The following CYFIP1 variants were observed in gnomAD, a reference collection of about 807,000 sequenced individuals.
CYFIP1 encodes the protein cytoplasmic FMR1-interacting protein 1.
CYFIP1 carries 58 observed loss-of-function variants against 163.5 expected under a neutral mutation model. That is an observed-to-expected ratio of 0.35 (90% confidence interval 0.29 to 0.44). The LOEUF is 0.44. Ranked by LOEUF, CYFIP1 falls within the 20% of genes least tolerant of loss-of-function variation. CYFIP1 has a pLI of 1.00. For missense variants in CYFIP1, 1,338 were observed against 1,653.8 expected, an observed-to-expected ratio of 0.81 and a Z score of 3.31; for synonymous variants, 663 against 660.7, an observed-to-expected ratio of 1.00 and a Z score of -0.05.
At chr15:22,887,346 C>T (rs540768870) in intron 23 of CYFIP1, among the ~76,000 whole-genome samples, 1 of 152,240 alleles carries the variant, frequency 6.6e-6, no homozygotes, top group South Asian at 2.1e-4. Context: ...CCGCTGCAAC[C>T]TTGAAGAAAC....
intron 20 of CYFIP1, among the ~76,000 whole-genome samples, chr15:22,909,562 T>C (rs2060711116): frequency 6.6e-6 from 1 of 152,178 alleles, no homozygotes; most frequent in African/African-American, 2.4e-5. Context: ...TCAGTGTTGT[T>C]CTAACTACAT....
chr15:22,954,057 AAAAAC>A (rs869290342), intron 1 of CYFIP1, among the ~76,000 whole-genome samples: 4 of 98,566 alleles, frequency 4.1e-5, no homozygotes, highest in Non-Finnish European at 9.8e-5. Flanking sequence ...ACTGTCTCAA[AAAAAC>A]AAAAACAAAA....
chr15:22,928,392 TAAATAAATA>T (rs2061426652), intron 11 of CYFIP1, among the ~76,000 whole-genome samples: 2 of 5,628 alleles, frequency 3.6e-4, no homozygotes, highest in African/African-American at 2.1e-3. Flanking sequence ...CAAAAAATAA[TAAATAAATA>T]AATAAATAAA....
At chr15:22,881,624 G>A (rs1360185888) in intron 25 of CYFIP1, among the ~76,000 whole-genome samples, 3 of 152,134 alleles carry the variant, frequency 2.0e-5, no homozygotes, top group South Asian at 2.1e-4. Flanking sequence ...GCCCGAGAGC[G>A]TGGTGTTCAG....
chr15:22,963,536 T>C (rs2062773391), intron 1 of CYFIP1, among the ~76,000 whole-genome samples: 1 of 145,318 alleles, frequency 6.9e-6, no homozygotes, highest in Non-Finnish European at 1.5e-5. Context: ...TAACATAACA[T>C]AACATAACAT....
chr15:22,978,182 T>G lies in CYFIP1; in HGVS notation c.-7+2105A>C, dbSNP rs181933037. ...GCCTGGGCAACATGGCAAAACCCCG[T>G]CTCTACTAAAAAGACAAAAATTAGC... On this transcript the variant is annotated intron_variant, in intron 1 of 30. Coordinates refer to ENST00000617928, the MANE Select transcript of CYFIP1 (RefSeq NM_014608.6). Among the ~76,000 whole-genome samples the G allele has an allele frequency of 2.7e-3, 410 of 151,432 alleles. 1 individual carries two copies. The highest frequency in any genetic ancestry group is 5.0e-3 in the Non-Finnish European group (342 of 67,834).
chr15:22,944,448 T>C, intron 5 of CYFIP1, 110 bp downstream of exon 5: 1 of 729,064 alleles, frequency 1.4e-6, no homozygotes. Flanking sequence ...CTGGTTGCTT[T>C]AATTTGCAGG....
rs1445543900 is a variant in CYFIP1 at position 22,881,924 on chromosome 15, T to C, written c.2833A>G (p.Ile945Val). Residue 945 changes from isoleucine (I) to valine (V), a missense_variant, in exon 25 of 31, where the codon ATC becomes GTC. Coordinates refer to ENST00000617928, the MANE Select transcript of CYFIP1 (RefSeq NM_014608.6). ...ATCAGCGTCTTCACGTACTGCAGGA[T>C]TGTGCCTTGCAGCTGCCGGGGAGAT... ...KVVKSLLQGT[I>V]LQYVKTLMEV... is the part of the protein sequence containing the mutation. 2 of 1,612,172 alleles carry C rather than the reference T, an allele frequency of 1.2e-6. No individual in the cohort carries two copies. The highest frequency in any genetic ancestry group is 1.7e-6 in the Non-Finnish European group (2 of 1,179,942).
Position 22,927,988 on chromosome 15 carries a change from T to C in CYFIP1, c.1151A>G (p.Asp384Gly), listed in dbSNP as rs1258355371. The stretch of plus-strand genomic sequence containing the variant: ...GTCGAAGAGCTTGCGGTACTCCGCG[T>C]CCGTCTTCTGGGCCTCCTGGCGGCC... ...GSGRQEAQKTDAEYRKLFDLA... is the reference protein window; with the variant it reads ...GSGRQEAQKTGAEYRKLFDLA... The change falls in exon 12 of 31, where the codon GAC (aspartate) becomes GGC (glycine). Residue 384 changes from aspartate to glycine, a missense_variant. Around this residue, in one of 4 missense-constraint regions of CYFIP1, gnomAD observed 824 missense variants for 995.7 expected, o/e 0.83. Coordinates refer to ENST00000617928, the MANE Select transcript of CYFIP1 (RefSeq NM_014608.6). 1 of 1,595,604 alleles carries C rather than the reference T, an allele frequency of 6.3e-7. No homozygotes were observed. The highest frequency in any genetic ancestry group is 1.1e-5 in the South Asian group (1 of 88,574).
At chr15:22,958,835 G>T (rs1229731500) in intron 1 of CYFIP1, among the ~76,000 whole-genome samples, 1 of 152,222 alleles carries the variant, frequency 6.6e-6, no homozygotes. Context: ...GCAAGGGAGA[G>T]CAGTTCTGTC....
Position 22,917,378 on chromosome 15 carries a change from G to T in CYFIP1, c.1674+410C>A. ...ACACCAGGAGAGAGGACAGTGGGCA[G>T]CTTAGGACCATGACACACGCAAGCA... is the stretch of plus-strand genomic sequence containing the variant. On this transcript the variant is annotated intron_variant, in intron 15 of 30. Coordinates refer to ENST00000617928, the MANE Select transcript of CYFIP1 (RefSeq NM_014608.6). The surrounding 1 kb of genome is among the most constrained non-coding windows in gnomAD (Gnocchi z 4.2). 9.4e-7 allele frequency: 1 copy of T among 1,066,332 alleles called. No homozygotes were observed. The highest frequency in any genetic ancestry group is 2.5e-5 in the South Asian group (1 of 40,376). The allele number at this position is 1,066,332 out of a possible 1,614,324, so 66.1% of individuals were successfully genotyped here.
At position 22,910,544 on chromosome 15, in the gene CYFIP1, C is replaced by T. The variant is rs372060948; in HGVS notation, c.2244G>A (p.Thr748=). The T allele has an allele frequency of 9.3e-6, 15 of 1,613,860 alleles. No homozygotes were observed. Among genetic ancestry groups the T allele is most frequent in the African/African-American group, 5.3e-5 (4 of 74,932 alleles). ...CCTGCACATGCCTCTGCTTCAGCAG[C>T]GTCTCGTAGCGGTTAGACGGCGGGA... The part of the protein sequence containing the change: ...IHLPPSNRYE[T]LLKQRHVQLL... Residue 748 remains threonine, a synonymous_variant, in exon 20 of 31, where the codon ACG becomes ACA. Coordinates refer to ENST00000617928, the MANE Select transcript of CYFIP1 (RefSeq NM_014608.6).
chr15:22,910,750 C>T lies in CYFIP1; in HGVS notation c.2146G>A (p.Val716Ile). 1 of 1,613,660 alleles carries T rather than the reference C, an allele frequency of 6.2e-7. No individual in the cohort carries two copies. The highest frequency in any genetic ancestry group is 8.5e-7 in the Non-Finnish European group (1 of 1,179,582). The change falls in exon 19 of 31, where the codon GTT (valine) becomes ATT (isoleucine). Residue 716 changes from valine to isoleucine, a missense_variant. Val to Ile is a conservative substitution (Grantham distance 29). Coordinates refer to ENST00000617928, the MANE Select transcript of CYFIP1 (RefSeq NM_014608.6). ...CCAGATACTCACCTTCCTGCCATAACCTTATAATAGGCAAATATCTGGTCT... is the reference window on the plus strand; with the variant it reads ...CCAGATACTCACCTTCCTGCCATAATCTTATAATAGGCAAATATCTGGTCT... ...LADQIFAYYK[V>I]MAGSLLLDKR...
intron 1 of CYFIP1, among the ~76,000 whole-genome samples, chr15:22,978,742 C>T (rs1291022490): frequency 6.6e-6 from 1 of 152,122 alleles, no homozygotes; most frequent in African/African-American, 2.4e-5. Context: ...TATCTTTACT[C>T]TTCAGGGACA....
intron 22 of CYFIP1, among the ~76,000 whole-genome samples, chr15:22,900,411 T>C (rs2141997175): frequency 6.6e-6 from 1 of 151,208 alleles, no homozygotes; most frequent in South Asian, 2.1e-4. Context: ...TTTTTTTTTT[T>C]TTTTTGAGAC....
rs753280118 is a variant in CYFIP1 at position 22,918,843 on chromosome 15, T to C, written c.1375A>G (p.Lys459Glu). Reference sequence around the variant, plus strand: ...CTGCCCATCAGCACCTGCAGGCCTTTGATCATGGCGATCACCTGCGGGGGA... The same window carrying C: ...CTGCCCATCAGCACCTGCAGGCCTTCGATCATGGCGATCACCTGCGGGGGA... ...FALVEVIAMI[K>E]GLQVLMGRME... Residue 459 changes from lysine to glutamate, a missense_variant, in exon 14 of 31, where the codon AAA (lysine) becomes GAA (glutamate). Physicochemically the swap from Lys to Glu is moderately conservative, Grantham distance 56 (BLOSUM62 1). This residue lies in a region of CYFIP1 where 824 missense variants were observed against 995.7 expected (regional missense o/e 0.83). Coordinates refer to ENST00000617928, the MANE Select transcript of CYFIP1 (RefSeq NM_014608.6). 4 of 1,605,032 alleles carry C rather than the reference T, an allele frequency of 2.5e-6. No individual in the cohort carries two copies. The East Asian group carries it at 8.9e-5, about 36-fold the overall frequency.
intron 1 of CYFIP1, among the ~76,000 whole-genome samples, chr15:22,964,353 T>TCACTCACACA (rs1555424263): frequency 3.8e-5 from 3 of 78,752 alleles, no homozygotes; most frequent in East Asian, 7.8e-4. Flanking sequence ...ACCTCATCAC[T>TCACTCACACA]CACACACACA....
At chr15:22,911,928 T>C (rs2060799657) in intron 18 of CYFIP1, among the ~76,000 whole-genome samples, 1 of 152,084 alleles carries the variant, frequency 6.6e-6, no homozygotes, top group Non-Finnish European at 1.5e-5. Context: ...CAGTTGAACA[T>C]CAAAGATCAT....
At position 22,875,179 on chromosome 15, in the gene CYFIP1, G is replaced by GT. The variant is rs766471815; in HGVS notation, c.3115+19dup. On this transcript the variant is annotated intron_variant, in intron 27 of 30. Transcript: ENST00000617928. ...CACAGAGGGCAGTCTGGACTCCCTG[G>GT]TGGGGGTCAGCAGGCTCACCTTTCA... The GT allele has an allele frequency of 5.6e-6, 9 of 1,612,868 alleles. No homozygotes were observed. The highest frequency in any genetic ancestry group is 7.6e-6 in the Non-Finnish European group (9 of 1,179,050).
Sources: allele counts gnomAD v4.1 joint callset (sites outside exome capture counted in the v4.1 genomes callset), GRCh38; gene constraint gnomAD v4.1.1; regional missense constraint gnomAD v4.1.1; non-coding constraint Gnocchi (gnomAD v3.1); transcripts MANE v1.5; gene names NCBI Gene and HGNC (gene_info 2026-07-23, HGNC 2026-07-21).